Variants in RASAL2 observed in about 807,000 individuals in gnomAD.
The protein encoded by RASAL2 is ras GTPase-activating protein nGAP.
In RASAL2, 58 loss-of-function variants were observed where a neutral mutation model predicts 128.9. The ratio of observed to expected loss-of-function variants is 0.45; its 90% CI spans 0.36 to 0.56. RASAL2 has a LOEUF of 0.56. Among genes scored for constraint, RASAL2 ranks in the 20% least tolerant of loss-of-function variants. The probability of loss-of-function intolerance (pLI) is 0.00; values close to 1 mark genes in which losing one functional copy is unlikely to be tolerated. For missense variants in RASAL2, 1,360 were observed against 1,601.6 expected, an observed-to-expected ratio of 0.85 and a Z score of 2.57; for synonymous variants, 561 against 580.8, an observed-to-expected ratio of 0.97 and a Z score of 0.49.
At chr1:178,324,103 G>T (rs1475238521) in intron 3 of RASAL2, among the ~76,000 whole-genome samples, 1 of 152,152 alleles carries the variant, frequency 6.6e-6, no homozygotes, top group Non-Finnish European at 1.5e-5. Context: ...TGTTGGATGA[G>T]ATTTTTATTA....
Position 178,452,595 on chromosome 1 carries a change from C to A in RASAL2, c.1952C>A (p.Thr651Lys). The part of the protein sequence containing the change: ...NLMQEYPDDR[T>K]SRTLTLIAKV... ...ATGCAGGAGTATCCTGATGACCGCA[C>A]ATCTCGGACTCTAACTCTTATTGCC... The change falls in exon 11 of 18, where the codon ACA (threonine) becomes AAA (lysine). Residue 651 changes from threonine (T) to lysine (K), a missense_variant. Thr to Lys is a moderately conservative substitution (Grantham distance 78). This residue lies in a region of RASAL2 where 741 missense variants were observed against 868.6 expected (regional missense o/e 0.85). Transcript: ENST00000367649. The A allele has an allele frequency of 6.2e-7, 1 of 1,614,096 alleles. No individual in the cohort carries two copies. The highest frequency in any genetic ancestry group is 8.5e-7 in the Non-Finnish European group (1 of 1,179,968).
chr1:178,432,417 C>G (rs963368467), intron 5 of RASAL2, among the ~76,000 whole-genome samples: 1 of 151,988 alleles, frequency 6.6e-6, no homozygotes, highest in Admixed American at 6.6e-5. Flanking sequence ...CTTGACTCAC[C>G]TGGTTTTTCT....
intron 8 of RASAL2, among the ~76,000 whole-genome samples, chr1:178,444,081 G>GAT (rs1676840244): frequency 6.6e-6 from 1 of 152,048 alleles, no homozygotes; most frequent in South Asian, 2.1e-4. Context: ...ATTTACTTAT[G>GAT]ATAATCTTGG....
At chr1:178,446,604 CA>C (rs1677017303) in intron 9 of RASAL2, among the ~76,000 whole-genome samples, 1 of 152,076 alleles carries the variant, frequency 6.6e-6, no homozygotes, top group African/African-American at 2.4e-5. Context: ...TTAATTTGCA[CA>C]AGCCATTTCT....
In RASAL2 at chr1:178,473,967, G is replaced by T. The variant is rs971955141; in HGVS notation, c.*728G>T. ...ATGTTTATTTCCTCTGTCTACAGCA[G>T]ATGGGAGTCTTCTCTTTTAGACAGG... On this transcript the variant is annotated 3_prime_UTR_variant, in exon 18 of 18. Transcript: ENST00000367649. The T allele has an allele frequency of 4.6e-5, 7 of 152,294 alleles. No individual in the cohort carries two copies. The highest frequency in any genetic ancestry group is 8.8e-5 in the Non-Finnish European group (6 of 68,054). 9.4% of individuals were successfully genotyped at this position (152,294 alleles called of 1,614,324 possible).
intron 3 of RASAL2, among the ~76,000 whole-genome samples, chr1:178,300,727 C>G (rs1280549336): frequency 6.6e-6 from 1 of 152,176 alleles, no homozygotes; most frequent in Non-Finnish European, 1.5e-5. Flanking sequence ...GCAGCTAGCT[C>G]TTCTCCCATT....
intron 3 of RASAL2, among the ~76,000 whole-genome samples, chr1:178,313,686 G>A (rs1668364494): frequency 6.6e-6 from 1 of 152,022 alleles, no homozygotes; most frequent in East Asian, 1.9e-4. Flanking sequence ...TAGCTTTTAG[G>A]GATTTAAATG....
At chr1:178,244,777 C>G (rs556200715) in intron 1 of RASAL2, among the ~76,000 whole-genome samples, 9 of 152,196 alleles carry the variant, frequency 5.9e-5, no homozygotes, top group African/African-American at 2.2e-4. Context: ...CTCCCTATGT[C>G]CATGTGTTTG....
At chr1:178,209,268 C>T (rs1338189347) in intron 1 of RASAL2, among the ~76,000 whole-genome samples, 1 of 152,102 alleles carries the variant, frequency 6.6e-6, no homozygotes, top group Non-Finnish European at 1.5e-5. Context: ...TGAGACTTCC[C>T]ATAAATGCTT....
intron 5 of RASAL2, among the ~76,000 whole-genome samples, chr1:178,423,528 C>T (rs2102761479): frequency 6.6e-6 from 1 of 152,188 alleles, no homozygotes; most frequent in East Asian, 1.9e-4. Flanking sequence ...TACAACCACC[C>T]TAAGAGATAG....
At chr1:178,158,297 G>A (rs1661151689) in intron 1 of RASAL2, among the ~76,000 whole-genome samples, 1 of 152,204 alleles carries the variant, frequency 6.6e-6, no homozygotes, top group Non-Finnish European at 1.5e-5. Flanking sequence ...ATCCCGTTCT[G>A]CCTCATACCT....
intron 2 of RASAL2, among the ~76,000 whole-genome samples, 157 bp downstream of exon 2, chr1:178,283,848 T>C (rs1042477100): frequency 2.6e-5 from 4 of 152,186 alleles, no homozygotes; most frequent in Non-Finnish European, 5.9e-5. Flanking sequence ...CATAAAGATA[T>C]GTTATCTTCA....
At chr1:178,184,029 T>A (rs7516026) in intron 1 of RASAL2, among the ~76,000 whole-genome samples, 1 of 152,186 alleles carries the variant, frequency 6.6e-6, no homozygotes, top group African/African-American at 2.4e-5. Context: ...CAAATCTCAC[T>A]GTTGCATTCC....
intron 1 of RASAL2, among the ~76,000 whole-genome samples, chr1:178,267,322 A>G (rs1425877230): frequency 2.0e-5 from 3 of 152,062 alleles, no homozygotes; most frequent in Non-Finnish European, 4.4e-5. Flanking sequence ...CTGATTTCCT[A>G]TTATGGCGGA....
At position 178,456,837 on chromosome 1, in the gene RASAL2, T is replaced by G. The variant is rs1224335947; in HGVS notation, c.2328T>G (p.Ser776Arg). ...GACGCTTCACTGAACATAACTCCAG[T>G]CCAAATGTCAGTGGAAGCCTCTCCT... ...QLRRFTEHNS[S>R]PNVSGSLSSG... Residue 776 changes from serine to arginine, a missense_variant, in exon 13 of 18, where the codon AGT (serine) becomes AGG (arginine). Ser to Arg is a moderately radical substitution (Grantham distance 110, BLOSUM62 -1). Around this residue, in one of 3 missense-constraint regions of RASAL2, gnomAD observed 741 missense variants for 868.6 expected, o/e 0.85. Coordinates refer to ENST00000367649, the MANE Select transcript of RASAL2 (RefSeq NM_170692.4). 2 of 1,614,064 alleles carry G rather than the reference T, an allele frequency of 1.2e-6. No homozygotes were observed. The highest frequency in any genetic ancestry group is 2.2e-5 in the South Asian group (2 of 91,070).
At chr1:178,147,479 CAAAAAAAAA>C (rs71297899) in intron 1 of RASAL2, among the ~76,000 whole-genome samples, 3 of 82,974 alleles carry the variant, frequency 3.6e-5, no homozygotes, top group African/African-American at 1.3e-4. Context: ...GACTCCGTCT[CAAAAAAAAA>C]AAAAAAAAGA....
At position 178,456,841 on chromosome 1, in the gene RASAL2, A is replaced by G; in HGVS notation, c.2332A>G (p.Asn778Asp). The change falls in exon 13 of 18, where the codon AAT (asparagine) becomes GAT (aspartate). Residue 778 changes from asparagine (N) to aspartate (D), a missense_variant. By Grantham distance (23) the Asn-to-Asp change is conservative. Coordinates refer to ENST00000367649, the MANE Select transcript of RASAL2 (RefSeq NM_170692.4). ...CTTCACTGAACATAACTCCAGTCCA[A>G]ATGTCAGTGGAAGCCTCTCCTCTGG... Reference protein sequence around the residue: ...RRFTEHNSSPNVSGSLSSGLQ... With the variant: ...RRFTEHNSSPDVSGSLSSGLQ... 6.2e-7 allele frequency: 1 copy of G among 1,614,178 alleles called. No individual in the cohort carries two copies. Among genetic ancestry groups the G allele is most frequent in the Non-Finnish European group, 8.5e-7 (1 of 1,180,042 alleles).
At chr1:178,428,043 C>CT (rs74263839) in intron 5 of RASAL2, among the ~76,000 whole-genome samples, 3,756 of 141,374 alleles carry the variant, frequency 0.027, 60 homozygotes, top group South Asian at 0.078. Flanking sequence ...TTGAGATTGG[C>CT]TTTTTTTTTT....
At chr1:178,419,966 A>C (rs574518786) in intron 4 of RASAL2, among the ~76,000 whole-genome samples, 3 of 152,214 alleles carry the variant, frequency 2.0e-5, no homozygotes, top group African/African-American at 7.2e-5. Context: ...CCACCAATAC[A>C]TTATATTTTA....
Sources: gnomAD v4.1 joint callset for allele counts (sites outside exome capture counted in the v4.1 genomes callset) on GRCh38, gnomAD v4.1.1 for gene constraint, gnomAD v4.1.1 regional missense constraint, MANE v1.5 for transcripts, NCBI Gene and HGNC (gene_info 2026-07-23, HGNC 2026-07-21) for gene names.